TRPM3: variants seen among roughly 807,000 people sequenced by gnomAD.
The protein encoded by TRPM3 is long transient receptor potential channel 3.
TRPM3 carries 77 observed loss-of-function variants against 181.2 expected under a neutral mutation model. The ratio of observed to expected loss-of-function variants is 0.42; its 90% CI spans 0.35 to 0.51. The LOEUF (loss-of-function observed/expected upper bound fraction) is 0.51, where lower values mean the gene tolerates loss of function less well. Ranked by LOEUF, TRPM3 falls within the 20% of genes least tolerant of loss-of-function variation. The pLI is 0.01. For missense variants in TRPM3, 1,759 were observed against 2,196.7 expected (o/e 0.80, Z 3.98); for synonymous variants, 745 against 796.4 (o/e 0.94, Z 1.09).
chr9:70,997,047 G>C (rs1297128769), intron 1 of TRPM3, among the ~76,000 whole-genome samples: 3 of 152,126 alleles, frequency 2.0e-5, no homozygotes, highest in African/African-American at 7.2e-5. Flanking sequence ...AATGGAATAT[G>C]GTTTGTTGCT....
chr9:70,689,169 G>A (rs1050187839), intron 8 of TRPM3, among the ~76,000 whole-genome samples: 2 of 152,112 alleles, frequency 1.3e-5, no homozygotes, highest in Non-Finnish European at 2.9e-5. Context: ...TTGTTCAGGG[G>A]TCAATCACCC....
chr9:71,416,514 A>T (rs942620972), intron 1 of TRPM3, among the ~76,000 whole-genome samples: 2 of 151,912 alleles, frequency 1.3e-5, no homozygotes, highest in African/African-American at 4.8e-5. Context: ...GGTTTCCTGG[A>T]TAATGTTTCC....
chr9:71,420,675 G>A (rs1391693603), intron 1 of TRPM3, among the ~76,000 whole-genome samples: 1 of 119,566 alleles, frequency 8.4e-6, no homozygotes, highest in Non-Finnish European at 1.8e-5. Flanking sequence ...AAGAAAGAGA[G>A]AAAGAAAGAG....
intron 1 of TRPM3, among the ~76,000 whole-genome samples, chr9:71,386,800 T>C (rs1177740295): frequency 6.6e-6 from 1 of 152,176 alleles, no homozygotes; most frequent in South Asian, 2.1e-4. Context: ...AACCTGAGAA[T>C]AGATTATAAA....
intron 1 of TRPM3, among the ~76,000 whole-genome samples, chr9:71,308,404 A>T (rs2087587967): frequency 6.6e-6 from 1 of 152,206 alleles, no homozygotes; most frequent in Non-Finnish European, 1.5e-5. Context: ...AGGGTTGTTT[A>T]TACATCTAAT....
intron 1 of TRPM3, among the ~76,000 whole-genome samples, chr9:71,420,084 T>TC (rs2093702869): frequency 6.6e-6 from 1 of 152,034 alleles, no homozygotes; most frequent in Admixed American, 6.6e-5. Flanking sequence ...ATATCTTTCG[T>TC]CATTTTCCCA....
In TRPM3 at chr9:71,426,363, T is replaced by C. The variant is rs75493939; in HGVS notation, c.183+20290A>G. On this transcript the variant is annotated intron_variant, in intron 1 of 24. Coordinates refer to the TRPM3 transcript ENST00000357533. The stretch of plus-strand genomic sequence containing the variant: ...TACCACACACTACCACTGGCACTTT[T>C]ACATATTACCTAACTTGTTTTTCTC... Among the ~76,000 whole-genome samples, 953 of 152,148 alleles carry C rather than the reference T, an allele frequency of 6.3e-3. 13 individuals are homozygous for C. Among genetic ancestry groups the C allele is most frequent in the African/African-American group, 0.022 (910 of 41,508 alleles).
chr9:70,880,551 T>G (rs2132684719), intron 1 of TRPM3, among the ~76,000 whole-genome samples: 1 of 152,194 alleles, frequency 6.6e-6, no homozygotes, highest in African/African-American at 2.4e-5. Context: ...AACAGGTGGA[T>G]TTTAGTTGGT....
At chr9:70,698,627 C>A (rs923072455) in intron 8 of TRPM3, among the ~76,000 whole-genome samples, 2 of 152,102 alleles carry the variant, frequency 1.3e-5, no homozygotes, top group Admixed American at 6.5e-5. Context: ...GGATCAGTGT[C>A]CCCACCAAAA....
chr9:71,207,828 A>G (rs1323796634), intron 1 of TRPM3, among the ~76,000 whole-genome samples: 5 of 152,142 alleles, frequency 3.3e-5, no homozygotes, highest in African/African-American at 4.8e-5. Flanking sequence ...GACAGTTGCT[A>G]TATTTCAATC....
rs56157123 is a variant in TRPM3 at position 70,991,555 on chromosome 9, G to GTTTTTT, written c.178-127050_178-127045dup. ...GTCTCCTTTGAAATACTATGTGTCTGTTTTTTTTTTTTTTTTTTGAGTACT... is the reference window on the plus strand; with the variant it reads ...GTCTCCTTTGAAATACTATGTGTCTGTTTTTTTTTTTTTTTTTTTTTTTTGAGTACT... On this transcript the variant is annotated intron_variant, in intron 1 of 25. Coordinates refer to ENST00000677713, the MANE Select transcript of TRPM3 (RefSeq NM_001366145.2). Among the ~76,000 whole-genome samples the GTTTTTT allele has an allele frequency of 5.9e-3, 736 of 124,418 alleles. 26 individuals carry two copies. In the East Asian group the frequency reaches 0.068, roughly 11 times the overall value. The allele number at this position is 124,418 out of a possible 152,430, so 81.6% of individuals were successfully genotyped here.
At chr9:70,820,490 A>C (rs2093068391) in intron 6 of TRPM3, among the ~76,000 whole-genome samples, 2 of 152,170 alleles carry the variant, frequency 1.3e-5, no homozygotes, top group African/African-American at 2.4e-5. Flanking sequence ...TGGCCTCCCA[A>C]AGTGCTGGGA....
At chr9:71,412,996 G>T (rs973372800) in intron 1 of TRPM3, among the ~76,000 whole-genome samples, 9 of 152,122 alleles carry the variant, frequency 5.9e-5, no homozygotes, top group Non-Finnish European at 1.3e-4. Flanking sequence ...ACTATCACAA[G>T]GACAGAAAAC....
At chr9:70,616,803 C>T (rs960071379) in intron 17 of TRPM3, among the ~76,000 whole-genome samples, 15 of 152,130 alleles carry the variant, frequency 9.9e-5, no homozygotes, top group Non-Finnish European at 5.9e-5. Flanking sequence ...ATAAACATCA[C>T]GCATAAATCT....
At chr9:70,654,962 C>G (rs113384547) in intron 9 of TRPM3, among the ~76,000 whole-genome samples, 1 of 150,498 alleles carries the variant, frequency 6.6e-6, no homozygotes, top group African/African-American at 2.4e-5. Context: ...GGATTACAGG[C>G]GTGAAGCACT....
At chr9:70,826,967 T>A (rs1044797628) in intron 6 of TRPM3, 2 of 152,198 alleles carry the variant, frequency 1.3e-5, no homozygotes, top group Admixed American at 1.3e-4. Flanking sequence ...CTGGGGAGCA[T>A]TGCTGTTTTG....
intron 3 of TRPM3, among the ~76,000 whole-genome samples, chr9:70,859,922 A>G (rs1248219997): frequency 6.6e-6 from 1 of 152,180 alleles, no homozygotes; most frequent in Non-Finnish European, 1.5e-5. Flanking sequence ...GACCTCTGTC[A>G]GTGATGGGCT....
chr9:70,928,606 T>A (rs1041111000), intron 1 of TRPM3, among the ~76,000 whole-genome samples: 1 of 152,202 alleles, frequency 6.6e-6, no homozygotes, highest in Non-Finnish European at 1.5e-5. Flanking sequence ...GACCTCTCTG[T>A]TGACTTCATT....
intron 8 of TRPM3, 103 bp downstream of exon 8, chr9:70,761,498 G>C: frequency 6.5e-7 from 1 of 1,549,562 alleles, no homozygotes; most frequent in Non-Finnish European, 8.9e-7. Flanking sequence ...CTGTAAGCTC[G>C]GCCAGAAAGA....
Sources: allele counts gnomAD v4.1 joint callset (sites outside exome capture counted in the v4.1 genomes callset), GRCh38; gene constraint gnomAD v4.1.1; transcripts MANE v1.5; gene names NCBI Gene and HGNC (gene_info 2026-07-23, HGNC 2026-07-21).